SAMD12: variants seen among roughly 807,000 people sequenced by gnomAD.
SAMD12 encodes sterile alpha motif domain-containing protein 12.
SAMD12 carries 9 observed loss-of-function variants against 15.0 expected under a neutral mutation model. That is an observed-to-expected ratio of 0.60 (90% CI 0.36 to 1.05). SAMD12 has a LOEUF of 1.05. SAMD12 is among the 50% of genes least tolerant of loss of function. SAMD12 has a pLI of 0.01. For synonymous variants in SAMD12, 86 were observed against 90.1 expected, an observed-to-expected ratio of 0.96 and a Z score of 0.25; for missense variants, 230 against 234.2, an observed-to-expected ratio of 0.98 and a Z score of 0.12.
intron 2 of SAMD12, among the ~76,000 whole-genome samples, chr8:118,473,956 A>AT (rs1005574802): frequency 1.3e-5 from 2 of 152,002 alleles, no homozygotes; most frequent in African/African-American, 2.4e-5. Context: ...TTGATAGTAG[A>AT]TTTTTTGTTG....
chr8:118,292,214 G>A (rs906301572), intron 4 of SAMD12, among the ~76,000 whole-genome samples: 9 of 150,828 alleles, frequency 6.0e-5, no homozygotes, highest in African/African-American at 2.2e-4. Context: ...TGGGTGATGG[G>A]TGCACCAAAA....
rs149304179 is a variant in SAMD12, at chr8:118,556,998, T to G, written c.192+23717A>C. Reference sequence around the variant, plus strand: ...AGAAAGAAAGAAAGAAAGAAAGAAATAGACATGGGTCCACCTACTCATGAC... The same window carrying G: ...AGAAAGAAAGAAAGAAAGAAAGAAAGAGACATGGGTCCACCTACTCATGAC... On this transcript the variant is annotated intron_variant, in intron 2 of 3. Transcript: ENST00000314727. Among the ~76,000 whole-genome samples, 117 of 150,450 alleles carry G rather than the reference T, an allele frequency of 7.8e-4. 1 individual carries two copies. The highest frequency in any genetic ancestry group is 1.3e-3 in the Non-Finnish European group (89 of 67,574).
At chr8:118,376,828 T>C (rs1437464478), downstream of SAMD12, among the ~76,000 whole-genome samples, 1 of 152,160 alleles carries the variant, frequency 6.6e-6, no homozygotes, top group African/African-American at 2.4e-5. Context: ...GAATCAAATA[T>C]TCATTACTGA....
At chr8:118,259,984 C>G (rs1010011962) in intron 4 of SAMD12, among the ~76,000 whole-genome samples, 1 of 152,092 alleles carries the variant, frequency 6.6e-6, no homozygotes, top group Non-Finnish European at 1.5e-5. Flanking sequence ...TTCCAAGTAG[C>G]TATTGAGCTC....
At chr8:118,608,310 G>A (rs1403624009) in intron 1 of SAMD12, among the ~76,000 whole-genome samples, 4 of 151,562 alleles carry the variant, frequency 2.6e-5, no homozygotes, top group Non-Finnish European at 4.4e-5. Flanking sequence ...GACACACCCC[G>A]CTCAGAAATG....
At chr8:118,315,560 G>A (rs2130417953) in intron 4 of SAMD12, among the ~76,000 whole-genome samples, 1 of 152,324 alleles carries the variant, frequency 6.6e-6, no homozygotes, top group African/African-American at 2.4e-5. Context: ...GGGATCATGG[G>A]AAGTGAGAGT....
intron 1 of SAMD12, among the ~76,000 whole-genome samples, chr8:118,598,249 G>C (rs1451785256): frequency 6.6e-6 from 1 of 152,166 alleles, no homozygotes. Flanking sequence ...TATGCTGAAG[G>C]CTTAACCCCT....
chr8:118,601,455 A>T (rs896853996), intron 1 of SAMD12, among the ~76,000 whole-genome samples: 32 of 152,158 alleles, frequency 2.1e-4, no homozygotes, highest in African/African-American at 7.5e-4. Flanking sequence ...TCCAGACACC[A>T]TACCCTCCTC....
chr8:118,223,572 G>A (rs920066502), intron 4 of SAMD12, among the ~76,000 whole-genome samples: 18 of 152,204 alleles, frequency 1.2e-4, no homozygotes, highest in Non-Finnish European at 2.9e-5. Flanking sequence ...AGACTTGTTG[G>A]AGACAGTCTT....
the SAMD12 span, among the ~76,000 whole-genome samples, chr8:118,168,043 A>G: frequency 6.6e-6 from 1 of 152,164 alleles, no homozygotes; most frequent in African/African-American, 2.4e-5. Flanking sequence ...TTCCCATGCT[A>G]TTCTCGTGAT....
At chr8:118,162,664 A>T in the SAMD12 span, among the ~76,000 whole-genome samples, 3 of 152,160 alleles carry the variant, frequency 2.0e-5, no homozygotes, top group Non-Finnish European at 4.4e-5. Context: ...CACAAAAGTG[A>T]TTACTGAATT....
chr8:118,496,723 G>T (rs1319853848), intron 2 of SAMD12, among the ~76,000 whole-genome samples: 3 of 151,974 alleles, frequency 2.0e-5, no homozygotes, highest in Non-Finnish European at 2.9e-5. Context: ...AGACAAGTGG[G>T]ACCTAATTAA....
chr8:118,189,238 G>A (rs58804655), downstream of SAMD12, among the ~76,000 whole-genome samples: 1 of 152,128 alleles, frequency 6.6e-6, no homozygotes, highest in Non-Finnish European at 1.5e-5. Context: ...GGGAGCCATA[G>A]GGAGGCCATC....
intron 2 of SAMD12, among the ~76,000 whole-genome samples, chr8:118,442,752 T>C (rs1276838142): frequency 6.6e-6 from 1 of 152,182 alleles, no homozygotes; most frequent in Non-Finnish European, 1.5e-5. Context: ...GACACATCAT[T>C]ACCCTGAAAC....
At chr8:118,247,790 A>G (rs1349328661) in intron 4 of SAMD12, among the ~76,000 whole-genome samples, 6 of 152,028 alleles carry the variant, frequency 3.9e-5, no homozygotes, top group Non-Finnish European at 8.8e-5. Flanking sequence ...ACAGGGTTTC[A>G]CCATGTTGCC....
chr8:118,343,662 C>T (rs911995076), intron 4 of SAMD12, among the ~76,000 whole-genome samples: 1 of 152,156 alleles, frequency 6.6e-6, no homozygotes. Context: ...CTCATCCTGG[C>T]CCTGAAGAGG....
chr8:118,456,245 C>T (rs146746648), intron 2 of SAMD12, among the ~76,000 whole-genome samples: 49 of 152,286 alleles, frequency 3.2e-4, no homozygotes, highest in African/African-American at 1.1e-3. Flanking sequence ...TAGCTCTTTT[C>T]TCAGATGTTC....
chr8:118,486,394 T>C (rs567065813), intron 2 of SAMD12, among the ~76,000 whole-genome samples: 40 of 147,984 alleles, frequency 2.7e-4, no homozygotes, highest in African/African-American at 8.1e-4. Context: ...CCAGCCTGGG[T>C]GACAGAGAGA....
chr8:118,356,568 TG>T (rs577139050), intron 4 of SAMD12, among the ~76,000 whole-genome samples: 53 of 152,252 alleles, frequency 3.5e-4, no homozygotes, highest in African/African-American at 1.3e-3. Flanking sequence ...CAAAACCTAA[TG>T]TGAGTGAAAG....
Sources: gnomAD v4.1 joint callset for allele counts (sites outside exome capture counted in the v4.1 genomes callset) on GRCh38, gnomAD v4.1.1 for gene constraint, MANE v1.5 for transcripts, NCBI Gene and HGNC (gene_info 2026-07-23, HGNC 2026-07-21) for gene names.